CA10: variants seen among roughly 807,000 people sequenced by gnomAD.
CA10 encodes carbonic anhydrase 10 (inactive).
Under a neutral mutation model 44.2 loss-of-function variants are expected in CA10, and 14 were observed. The ratio of observed to expected loss-of-function variants is 0.32; its 90% CI spans 0.21 to 0.50. The LOEUF (loss-of-function observed/expected upper bound fraction) is 0.50. Among genes scored for constraint, CA10 ranks in the 20% least tolerant of loss-of-function variants. CA10 has a pLI of 0.99. For missense variants in CA10, 350 were observed against 409.7 expected (o/e 0.85, Z 1.26); for synonymous variants, 159 against 141.6 (o/e 1.12, Z -0.87).
chr17:52,045,791 C>A (rs532584807), intron 2 of CA10, among the ~76,000 whole-genome samples: 1 of 152,064 alleles, frequency 6.6e-6, no homozygotes, highest in South Asian at 2.1e-4. Flanking sequence ...CACCAAATAA[C>A]AGCACTATAT....
In CA10 at chr17:52,080,708, C is replaced by T. The variant is rs956843694; in HGVS notation, c.62-8315G>A. ...TACCACGTTTATTACTCTCTCCACA[C>T]CTTCACTCTGCCCTTTTTCCCCCCG... On this transcript the variant is annotated intron_variant, in intron 1 of 8. Transcript: ENST00000451037. 6.8e-4 allele frequency among the ~76,000 whole-genome samples: 104 copies of T among 152,054 alleles called. 6 individuals are homozygous for T. Among genetic ancestry groups the T allele is most frequent in the South Asian group, 2.1e-4 (1 of 4,816 alleles).
At chr17:51,705,618 C>T (rs1474814465) in intron 4 of CA10, among the ~76,000 whole-genome samples, 2 of 151,696 alleles carry the variant, frequency 1.3e-5, no homozygotes, top group East Asian at 1.9e-4. Flanking sequence ...TGGGGTAATT[C>T]ACTTGAAAAA....
chr17:51,758,582 G>A (rs1905136393), intron 3 of CA10, among the ~76,000 whole-genome samples: 1 of 152,156 alleles, frequency 6.6e-6, no homozygotes. Flanking sequence ...CCCAGCCTCT[G>A]ACCAGGAAGG....
intron 3 of CA10, among the ~76,000 whole-genome samples, chr17:51,809,796 G>A (rs1052432947): frequency 6.6e-5 from 10 of 152,196 alleles, no homozygotes; most frequent in Admixed American, 4.6e-4. Context: ...GGAAGGATGT[G>A]CTGGGTTGAG....
Position 52,029,504 on chromosome 17 carries a change from G to A in CA10, c.136+42815C>T, listed in dbSNP as rs558581073. On this transcript the variant is annotated intron_variant, in intron 2 of 8. Transcript: ENST00000451037. Reference sequence around the variant, plus strand: ...CAGGTCTTGGAGTTAAACCACACCCGCCCTCACCCCCAACCCCACCACCCC... The same window carrying A: ...CAGGTCTTGGAGTTAAACCACACCCACCCTCACCCCCAACCCCACCACCCC... 1.3e-3 allele frequency among the ~76,000 whole-genome samples: 200 copies of A among 151,870 alleles called. 1 individual carries two copies. Among genetic ancestry groups the A allele is most frequent in the African/African-American group, 4.4e-3 (184 of 41,432 alleles).
chr17:51,652,157 C>G (rs1364727407), intron 5 of CA10, among the ~76,000 whole-genome samples: 1 of 152,190 alleles, frequency 6.6e-6, no homozygotes, highest in Admixed American at 6.5e-5. Flanking sequence ...GACTTGGATC[C>G]TCTCCTGGCT....
At chr17:51,663,772 A>G (rs960704144) in intron 4 of CA10, among the ~76,000 whole-genome samples, 1 of 152,178 alleles carries the variant, frequency 6.6e-6, no homozygotes, top group Non-Finnish European at 1.5e-5. Context: ...CCCTAGAATG[A>G]TGAAGTGACG....
chr17:51,764,964 C>T (rs1016053985), intron 3 of CA10, among the ~76,000 whole-genome samples: 1 of 152,166 alleles, frequency 6.6e-6, no homozygotes, highest in African/African-American at 2.4e-5. Flanking sequence ...GTAGCAGCAT[C>T]AATATTTGAT....
chr17:51,762,606 A>G (rs1598032375), intron 3 of CA10: 2 of 152,188 alleles, frequency 1.3e-5, no homozygotes, highest in Admixed American at 1.3e-4. Context: ...AGTAGGTGCC[A>G]AACACCCACT....
At chr17:51,644,892 G>T (rs983467478) in intron 6 of CA10, among the ~76,000 whole-genome samples, 1 of 145,560 alleles carries the variant, frequency 6.9e-6, no homozygotes, top group African/African-American at 2.5e-5. Flanking sequence ...TCCGCCTCCC[G>T]GGTTCAAGTG....
At chr17:51,834,048 A>C (rs1056339555) in intron 3 of CA10, among the ~76,000 whole-genome samples, 2 of 152,212 alleles carry the variant, frequency 1.3e-5, no homozygotes, top group South Asian at 4.1e-4. Context: ...TTATTAAGTC[A>C]CTGTCTTTTT....
intron 3 of CA10, among the ~76,000 whole-genome samples, chr17:51,897,311 A>G (rs964383253): frequency 6.6e-6 from 1 of 152,082 alleles, no homozygotes; most frequent in African/African-American, 2.4e-5. Flanking sequence ...TCCCAACACC[A>G]TTTATTGAAT....
At chr17:52,016,845 G>A (rs990664432) in intron 2 of CA10, among the ~76,000 whole-genome samples, 13 of 152,072 alleles carry the variant, frequency 8.5e-5, no homozygotes, top group Non-Finnish European at 1.5e-4. Flanking sequence ...ACCAGTAGGT[G>A]GAGGTTGCAG....
At chr17:51,888,762 T>C (rs1333397631) in intron 3 of CA10, among the ~76,000 whole-genome samples, 1 of 152,232 alleles carries the variant, frequency 6.6e-6, no homozygotes, top group Non-Finnish European at 1.5e-5. Flanking sequence ...AAAATAATCT[T>C]TGTAGTGTGT....
At chr17:52,000,162 T>C (rs2082380094) in intron 2 of CA10, among the ~76,000 whole-genome samples, 1 of 152,084 alleles carries the variant, frequency 6.6e-6, no homozygotes, top group South Asian at 2.1e-4. Context: ...GAATCACTAT[T>C]GGGAATTATA....
intron 2 of CA10, among the ~76,000 whole-genome samples, chr17:52,024,946 A>C (rs1986253447): frequency 6.6e-6 from 1 of 151,842 alleles, no homozygotes. Context: ...GATATCATAT[A>C]TATAGTATAT....
intron 2 of CA10, among the ~76,000 whole-genome samples, chr17:51,985,786 T>A (rs1009529955): frequency 6.6e-6 from 1 of 151,886 alleles, no homozygotes; most frequent in African/African-American, 2.4e-5. Context: ...TACTTAGGAA[T>A]ATACCTAACA....
intron 4 of CA10, among the ~76,000 whole-genome samples, chr17:51,685,990 C>T (rs1306490563): frequency 4.0e-5 from 6 of 151,408 alleles, no homozygotes; most frequent in Non-Finnish European, 5.9e-5. Context: ...GGGGCTAACA[C>T]GGTTTGGCTG....
chr17:51,888,764 G>T (rs1302569018), intron 3 of CA10, among the ~76,000 whole-genome samples: 1 of 152,168 alleles, frequency 6.6e-6, no homozygotes, highest in East Asian at 1.9e-4. Context: ...AATAATCTTT[G>T]TAGTGTGTTC....
Sources: allele counts gnomAD v4.1 joint callset (sites outside exome capture counted in the v4.1 genomes callset), GRCh38; gene constraint gnomAD v4.1.1; transcripts MANE v1.5; gene names NCBI Gene and HGNC (gene_info 2026-07-23, HGNC 2026-07-21).